ST18: variants seen among roughly 807,000 people sequenced by gnomAD.
ST18 encodes the protein ST18 C2H2C-type zinc finger transcription factor.
ST18 carries 50 observed loss-of-function variants against 110.0 expected under a neutral mutation model. The ratio of observed to expected loss-of-function variants is 0.45; its 90% confidence interval spans 0.36 to 0.58. The LOEUF is 0.58. ST18 is among the 20% of genes least tolerant of loss of function. The pLI, the probability that ST18 is intolerant of heterozygous loss-of-function variation, is 0.00. For missense variants in ST18, 1,306 were observed against 1,280.1 expected, an observed-to-expected ratio of 1.02 and a Z score of -0.31; for synonymous variants, 461 against 452.4, an observed-to-expected ratio of 1.02 and a Z score of -0.24.
chr8:52,143,054 C>A lies in ST18; in HGVS notation c.2053-9G>T. ...GAGCTCACTGGGTCTTTCTGGAAAA[C>A]AAACAAAAAACAAACAAAACACAGA... is the stretch of plus-strand genomic sequence containing the variant. On this transcript the variant is annotated splice_polypyrimidine_tract_variant and intron_variant, in intron 16 of 25. Transcript: ENST00000689386. 1.3e-6 allele frequency: 2 copies of A among 1,566,994 alleles called. No homozygotes were observed. The highest frequency in any genetic ancestry group is 1.7e-4 in the Middle Eastern group (1 of 5,966).
chr8:52,321,886 G>A (rs764169547), intron 2 of ST18, among the ~76,000 whole-genome samples: 1 of 152,192 alleles, frequency 6.6e-6, no homozygotes, highest in Non-Finnish European at 1.5e-5. Context: ...GCCTAGAGGT[G>A]CTTTGTTTCT....
intron 6 of ST18, among the ~76,000 whole-genome samples, chr8:52,217,021 A>T (rs909072166): frequency 5.3e-5 from 8 of 152,182 alleles, no homozygotes; most frequent in African/African-American, 1.9e-4. Flanking sequence ...AGTCTTGAAA[A>T]TTACACTTCT....
At chr8:52,191,381 A>T (rs1469849572) in intron 8 of ST18, among the ~76,000 whole-genome samples, 1 of 152,096 alleles carries the variant, frequency 6.6e-6, no homozygotes, top group East Asian at 1.9e-4. Flanking sequence ...ATTCCGTTAG[A>T]CTCACCAAGT....
Position 52,400,228 on chromosome 8 carries a change from T to C in ST18, c.-465+9100A>G, listed in dbSNP as rs79136134. Among the ~76,000 whole-genome samples the C allele has an allele frequency of 3.3e-3, 496 of 152,208 alleles. 4 individuals are homozygous for C. Among genetic ancestry groups the C allele is most frequent in the African/African-American group, 0.011 (477 of 41,564 alleles). On this transcript the variant is annotated intron_variant, in intron 2 of 25. Coordinates refer to ENST00000689386, the MANE Select transcript of ST18 (RefSeq NM_001352837.2). ...TTTATCTGCTATAAACAGCCATCTCTGCTCTTTCAGTTACTATTTGCATGG... is the reference window on the plus strand; with the variant it reads ...TTTATCTGCTATAAACAGCCATCTCCGCTCTTTCAGTTACTATTTGCATGG...
Position 52,171,911 on chromosome 8 carries a change from C to G in ST18, c.950G>C (p.Gly317Ala), listed in dbSNP as rs780040510. ...EQAIALQAER[G>A]CVFHNTYKEL... Reference sequence around the variant, plus strand: ...TTTGTAGGTGTTATGGAAAACACAACCTCGCTCAGCCTGCAGAGCAATTGC... The same window carrying G: ...TTTGTAGGTGTTATGGAAAACACAAGCTCGCTCAGCCTGCAGAGCAATTGC... Residue 317 changes from glycine to alanine, a missense_variant, in exon 10 of 26, where the codon GGT becomes GCT. Gly to Ala is a moderately conservative substitution (Grantham distance 60). Coordinates refer to ENST00000689386, the MANE Select transcript of ST18 (RefSeq NM_001352837.2). The G allele has an allele frequency of 4.3e-6, 7 of 1,614,186 alleles. No individual in the cohort carries two copies. Among genetic ancestry groups the G allele is most frequent in the Non-Finnish European group, 5.9e-6 (7 of 1,180,028 alleles).
At chr8:52,127,322 A>C (rs2047475927) in intron 22 of ST18, among the ~76,000 whole-genome samples, 1 of 152,206 alleles carries the variant, frequency 6.6e-6, no homozygotes, top group Non-Finnish European at 1.5e-5. Flanking sequence ...TTTTCTACAC[A>C]GAAAAAGAAA....
rs2068810732 is a variant in ST18 at position 52,180,213 on chromosome 8, T to C, written c.186A>G (p.Arg62=). The change falls in exon 9 of 26, where the codon CGA becomes CGG. Residue 62 remains arginine (R), a synonymous_variant. Coordinates refer to ENST00000689386, the MANE Select transcript of ST18 (RefSeq NM_001352837.2). The stretch of plus-strand genomic sequence containing the variant: ...GGCAGTCTGCTTTTGGGCTGTAGTG[T>C]CGGGGCTTCATTAGCAGGGATTTCC... ...NKRKSLLMKP[R]HYSPKADCQE... The C allele has an allele frequency of 6.2e-7, 1 of 1,614,052 alleles. No individual in the cohort carries two copies. Among genetic ancestry groups the C allele is most frequent in the African/African-American group, 1.3e-5 (1 of 74,912 alleles).
intron 22 of ST18, among the ~76,000 whole-genome samples, chr8:52,131,117 C>T (rs1041976139): frequency 6.6e-6 from 1 of 152,206 alleles, no homozygotes; most frequent in Non-Finnish European, 1.5e-5. Context: ...TTTCTGATAT[C>T]ATCCGTATAT....
At chr8:52,167,046 T>C (rs1344639667) in intron 10 of ST18, 60 bp from the exon 11 acceptor site, 4 of 1,553,662 alleles carry the variant, frequency 2.6e-6, no homozygotes, top group South Asian at 1.2e-5. Flanking sequence ...TCCCATTCAA[T>C]AGAATGGCCT....
intron 2 of ST18, among the ~76,000 whole-genome samples, chr8:52,284,811 C>T (rs769993708): frequency 3.3e-5 from 5 of 152,166 alleles, no homozygotes; most frequent in Non-Finnish European, 4.4e-5. Flanking sequence ...ATATAACCCC[C>T]GCCACCCCCC....
intron 9 of ST18, among the ~76,000 whole-genome samples, chr8:52,173,630 G>C (rs925984977): frequency 6.6e-6 from 1 of 152,106 alleles, no homozygotes; most frequent in Non-Finnish European, 1.5e-5. Context: ...GCCCAGGCAC[G>C]TGGGGTGTGC....
chr8:52,161,979 G>A (rs1005161371), intron 13 of ST18, among the ~76,000 whole-genome samples: 1 of 152,224 alleles, frequency 6.6e-6, no homozygotes, highest in Non-Finnish European at 1.5e-5. Flanking sequence ...GGAGGCCAAG[G>A]TGGGTGGATC....
rs564947022 is a variant in ST18 at position 52,215,703 on chromosome 8, C to CG, written c.1-1447dup. Among the ~76,000 whole-genome samples the CG allele has an allele frequency of 1.9e-3, 295 of 152,208 alleles. 1 individual carries two copies. Among genetic ancestry groups the CG allele is most frequent in the Middle Eastern group, 0.017 (5 of 294 alleles). ...CAATAAGAGAAAACAACAATAAAAC[C>CG]GGGGTGATTTTTTTCCTGTCAATTT... On this transcript the variant is annotated intron_variant, in intron 6 of 25. Transcript: ENST00000689386.
intron 2 of ST18, among the ~76,000 whole-genome samples, chr8:52,321,906 C>A (rs1804093808): frequency 6.6e-6 from 1 of 152,192 alleles, no homozygotes; most frequent in Non-Finnish European, 1.5e-5. Flanking sequence ...TAAGTCTTTA[C>A]CCACTAAACA....
intron 2 of ST18, among the ~76,000 whole-genome samples, chr8:52,233,888 G>A (rs1564216462): frequency 6.6e-6 from 1 of 152,142 alleles, no homozygotes; most frequent in Admixed American, 6.6e-5. Flanking sequence ...AAAGTGATGT[G>A]TGTATACAAT....
chr8:52,279,803 A>G (rs372790334), intron 2 of ST18, among the ~76,000 whole-genome samples: 19 of 152,288 alleles, frequency 1.2e-4, no homozygotes, highest in African/African-American at 3.8e-4. Flanking sequence ...CACTATCTTC[A>G]AACAAACACA....
chr8:52,121,473 G>T (rs1348647353), intron 23 of ST18, among the ~76,000 whole-genome samples: 2 of 152,110 alleles, frequency 1.3e-5, no homozygotes, highest in African/African-American at 4.8e-5. Flanking sequence ...CCACAGAGTC[G>T]CTCATCTGCC....
chr8:52,375,866 G>C (rs1023098484), intron 2 of ST18, among the ~76,000 whole-genome samples: 2 of 152,088 alleles, frequency 1.3e-5, no homozygotes, highest in Admixed American at 1.3e-4. Context: ...TCCACCCACA[G>C]CCTTTTCCAT....
At chr8:52,177,326 C>T (rs753087893) in intron 9 of ST18, among the ~76,000 whole-genome samples, 40 of 152,170 alleles carry the variant, frequency 2.6e-4, no homozygotes, top group Non-Finnish European at 4.6e-4. Context: ...TGCCATAAAG[C>T]GGAATAAAAC....
Sources: allele counts gnomAD v4.1 joint callset (sites outside exome capture counted in the v4.1 genomes callset), GRCh38; gene constraint gnomAD v4.1.1; transcripts MANE v1.5; gene names NCBI Gene and HGNC (gene_info 2026-07-23, HGNC 2026-07-21).